CANX: variants seen among roughly 807,000 people sequenced by gnomAD.
CANX encodes the protein epididymis secretory sperm binding protein.
A neutral mutation model predicts 75.7 loss-of-function variants in CANX; 14 were observed. That is an observed-to-expected ratio of 0.19 (90% CI 0.12 to 0.29). The LOEUF is 0.29. CANX is among the 10% of genes least tolerant of loss of function. The pLI, the probability that CANX is intolerant of heterozygous loss-of-function variation, is 1.00. For synonymous variants in CANX, 227 were observed against 236.9 expected (o/e 0.96, Z 0.38); for missense variants, 567 against 713.2 (o/e 0.79, Z 2.34).
At chr5:179,693,768 A>G (rs1377489173), upstream of CANX, among the ~76,000 whole-genome samples, 1 of 151,976 alleles carries the variant, frequency 6.6e-6, no homozygotes, top group Non-Finnish European at 1.5e-5. Context: ...CCTTGAGCCC[A>G]GAAGTTTGAG....
At chr5:179,718,130 T>C (rs62404347) in intron 8 of CANX, among the ~76,000 whole-genome samples, 43,252 of 152,132 alleles carry the variant, frequency 0.28, 6,492 homozygotes, top group Non-Finnish European at 0.34. Context: ...CCTTAGCTTC[T>C]CAAGTAGCTG....
In CANX at chr5:179,711,077, T is replaced by C. The variant is rs1306118442; in HGVS notation, c.721+1012T>C. 4.6e-5 allele frequency among the ~76,000 whole-genome samples: 7 copies of C among 151,900 alleles called. No individual in the cohort carries two copies. The East Asian group carries it at 1.4e-3, about 30-fold the overall frequency. ...GTACCCCCTCCACGAAAGAAAAGAA[T>C]CTCTTCACTTTAGTATCTTAGTTGG... On this transcript the variant is annotated intron_variant, in intron 7 of 14. Transcript: ENST00000247461.
chr5:179,702,453 T>C lies in CANX; in HGVS notation c.-3-3226T>C, dbSNP rs1776839078. On this transcript the variant is annotated intron_variant, in intron 1 of 14. Coordinates refer to ENST00000247461, the MANE Select transcript of CANX (RefSeq NM_001746.4). ...TTTTTTAAAACTTTGTGGTATCTGT[T>C]TGTGAATTGCTTATTTTACTTACCA... Among the ~76,000 whole-genome samples the C allele has an allele frequency of 2.6e-5, 4 of 152,046 alleles. No individual in the cohort carries two copies. The South Asian group carries it at 8.3e-4, about 32-fold the overall frequency.
chr5:179,728,444 A>G, intron 14 of CANX, 147 bp from the exon 15 acceptor site: 1 of 610,208 alleles, frequency 1.6e-6, no homozygotes, highest in South Asian at 2.0e-5. Context: ...TGAGACAACC[A>G]TTCTTCTTGG....
At chr5:179,679,389 A>T in intron 1 of CANX, 1 of 814,808 alleles carries the variant, frequency 1.2e-6, no homozygotes, top group Non-Finnish European at 1.9e-6. Flanking sequence ...GCTGCTGGCC[A>T]CCGAGGAGCC....
At chr5:179,690,315 C>T (rs1776277032) in intron 1 of CANX, among the ~76,000 whole-genome samples, 12 of 152,216 alleles carry the variant, frequency 7.9e-5, no homozygotes. Context: ...GTGGCTCACG[C>T]CTGTAATCCC....
chr5:179,697,881 T>A (rs911728356), upstream of CANX, among the ~76,000 whole-genome samples: 4 of 151,972 alleles, frequency 2.6e-5, no homozygotes, highest in African/African-American at 9.7e-5. Context: ...GAGCAAGACT[T>A]CGTCTCAAAA....
chr5:179,709,814 C>T (rs1777406551), intron 6 of CANX, 59 bp from the exon 7 acceptor site: 9 of 1,089,880 alleles, frequency 8.3e-6, no homozygotes, highest in African/African-American at 3.2e-5. Flanking sequence ...ACTTTTGAAA[C>T]GTTGCTTTTG....
chr5:179,723,472 AT>A, intron 11 of CANX, 187 bp from the exon 12 acceptor site: 1 of 544,536 alleles, frequency 1.8e-6, no homozygotes, highest in Non-Finnish European at 3.1e-6. Context: ...GAGTGAAATC[AT>A]CTTGATTATA....
chr5:179,682,505 G>A (rs1776089755), intron 1 of CANX, among the ~76,000 whole-genome samples: 1 of 152,062 alleles, frequency 6.6e-6, no homozygotes, highest in African/African-American at 2.4e-5. Flanking sequence ...GAGGTTGGGA[G>A]TTTGAGACCA....
rs937418924 is a variant in CANX, at chr5:179,711,830, G to C, written c.721+1765G>C. The stretch of plus-strand genomic sequence containing the variant: ...TTGGTATTTTTTGCTGGACATGGTG[G>C]CTCATGCCTGTAATCCCAGCACGAT... On this transcript the variant is annotated intron_variant, in intron 7 of 14. Transcript: ENST00000247461. Among the ~76,000 whole-genome samples the C allele has an allele frequency of 2.7e-5, 4 of 149,946 alleles. No individual in the cohort carries two copies. The Admixed American group carries it at 2.7e-4, about 10-fold the overall frequency.
chr5:179,713,321 C>T (rs756425043), intron 7 of CANX, among the ~76,000 whole-genome samples: 13 of 152,212 alleles, frequency 8.5e-5, no homozygotes, highest in African/African-American at 1.2e-4. Flanking sequence ...ATCCGCCCAC[C>T]TCGGCCTCCC....
Position 179,720,396 on chromosome 5 carries a change from C to G in CANX, c.1026-8C>G, listed in dbSNP as rs920789902. Reference sequence around the variant, plus strand: ...CCTGTTTATAATTTGTTGTTTGTACCTCCGTAGGGATGAAGACATGGATGG... The same window carrying G: ...CCTGTTTATAATTTGTTGTTTGTACGTCCGTAGGGATGAAGACATGGATGG... On this transcript the variant is annotated splice_polypyrimidine_tract_variant and splice_region_variant and intron_variant, in intron 9 of 14. Coordinates refer to ENST00000247461, the MANE Select transcript of CANX (RefSeq NM_001746.4). The G allele has an allele frequency of 8.1e-6, 13 of 1,612,932 alleles. No homozygotes were observed. The highest frequency in any genetic ancestry group is 2.5e-6 in the Non-Finnish European group (3 of 1,179,078).
At chr5:179,702,338 C>T (rs919694459) in intron 1 of CANX, among the ~76,000 whole-genome samples, 1 of 152,026 alleles carries the variant, frequency 6.6e-6, no homozygotes, top group Non-Finnish European at 1.5e-5. Context: ...ACGCGCGAGC[C>T]ACGATGCCAA....
At position 179,720,432 on chromosome 5, in the gene CANX, G is replaced by A; in HGVS notation, c.1054G>A (p.Ala352Thr). The change falls in exon 10 of 15, where the codon GCT (alanine) becomes ACT (threonine). Residue 352 changes from alanine to threonine, a missense_variant. Transcript: ENST00000247461. ...WDEDMDGEWE[A>T]PQIANPRCES... is the part of the protein sequence containing the mutation. ...TGAAGACATGGATGGAGAATGGGAG[G>A]CTCCTCAGATTGCCAACCCTAGATG... 6.2e-7 allele frequency: 1 copy of A among 1,613,956 alleles called. No homozygotes were observed. Among genetic ancestry groups the A allele is most frequent in the Non-Finnish European group, 8.5e-7 (1 of 1,179,876 alleles).
chr5:179,698,184 G>T (rs1296887916), upstream of CANX, among the ~76,000 whole-genome samples: 2 of 152,172 alleles, frequency 1.3e-5, no homozygotes, highest in African/African-American at 4.8e-5. Context: ...TTACTAAAAT[G>T]GTGGCGTATC....
At chr5:179,725,936 C>T (rs1279739961) in intron 13 of CANX, among the ~76,000 whole-genome samples, 4 of 148,820 alleles carry the variant, frequency 2.7e-5, no homozygotes, top group African/African-American at 1.0e-4. Flanking sequence ...TGCAGTGAGC[C>T]GAGATTGCGC....
At chr5:179,723,610 GT>G in intron 11 of CANX, 49 bp from the exon 12 acceptor site, 1 of 1,603,116 alleles carries the variant, frequency 6.2e-7, no homozygotes. Flanking sequence ...CACGGCCTAT[GT>G]TTGGTGTCAA....
At chr5:179,694,928 C>T (rs1639750819), upstream of CANX, among the ~76,000 whole-genome samples, 1 of 152,000 alleles carries the variant, frequency 6.6e-6, no homozygotes, top group Non-Finnish European at 1.5e-5. Flanking sequence ...TGAGAAGAAG[C>T]TGGATACGAA....
Sources: gnomAD v4.1 joint callset for allele counts (sites outside exome capture counted in the v4.1 genomes callset) on GRCh38, gnomAD v4.1.1 for gene constraint, MANE v1.5 for transcripts, NCBI Gene and HGNC (gene_info 2026-07-23, HGNC 2026-07-21) for gene names.